Variants in CACNB2 observed in about 807,000 individuals in gnomAD.
CACNB2 encodes the protein voltage-dependent L-type calcium channel subunit beta-2.
In CACNB2, 42 loss-of-function variants were observed where a neutral mutation model predicts 73.3. The observed-to-expected ratio is 0.57, with a 90% confidence interval of 0.45 to 0.74. The LOEUF is 0.74. Among genes scored for constraint, CACNB2 ranks in the 30% least tolerant of loss-of-function variants. CACNB2 has a pLI of 0.00. For missense variants in CACNB2, 940 were observed against 853.0 expected (o/e 1.10, Z -1.27); for synonymous variants, 348 against 310.3 (o/e 1.12, Z -1.28).
At chr10:18,519,684 T>C (rs750290056) in intron 9 of CACNB2, 3 of 456,012 alleles carry the variant, frequency 6.6e-6, no homozygotes, top group Non-Finnish European at 1.3e-5. Context: ...CATATTGCTC[T>C]AGGTGTCTCA....
intron 3 of CACNB2, among the ~76,000 whole-genome samples, chr10:18,450,959 G>A (rs1349471304): frequency 6.6e-6 from 1 of 152,124 alleles, no homozygotes; most frequent in Admixed American, 6.6e-5. Context: ...TTTATGAAAA[G>A]AATCACTACC....
At chr10:18,363,421 C>A (rs900054567) in intron 2 of CACNB2, among the ~76,000 whole-genome samples, 1 of 152,178 alleles carries the variant, frequency 6.6e-6, no homozygotes, top group Admixed American at 6.5e-5. Context: ...CCCCATGGGG[C>A]CTTCTCTGTT....
chr10:18,373,791 TG>T (rs1374118165), intron 2 of CACNB2, among the ~76,000 whole-genome samples: 1 of 152,198 alleles, frequency 6.6e-6, no homozygotes, highest in Non-Finnish European at 1.5e-5. Flanking sequence ...TGATTTGCTT[TG>T]GGGGAAGTAT....
At chr10:18,506,072 G>T (rs936800195) in intron 5 of CACNB2, among the ~76,000 whole-genome samples, 1 of 152,202 alleles carries the variant, frequency 6.6e-6, no homozygotes, top group African/African-American at 2.4e-5. Context: ...AAACAGAGGA[G>T]CTGAAACCAA....
At chr10:18,414,968 T>C (rs1033766724) in intron 3 of CACNB2, among the ~76,000 whole-genome samples, 1 of 152,166 alleles carries the variant, frequency 6.6e-6, no homozygotes, top group Non-Finnish European at 1.5e-5. Context: ...AATGGCTACA[T>C]AAAAGATGTT....
chr10:18,237,394 G>A (rs529791737), intron 2 of CACNB2, among the ~76,000 whole-genome samples: 12 of 152,272 alleles, frequency 7.9e-5, no homozygotes, highest in African/African-American at 2.9e-4. Flanking sequence ...GAGAAAAGAT[G>A]GTCATCCAAA....
chr10:18,199,825 G>A (rs1193546555), intron 2 of CACNB2, among the ~76,000 whole-genome samples: 1 of 152,158 alleles, frequency 6.6e-6, no homozygotes, highest in East Asian at 1.9e-4. Flanking sequence ...TTCAGGCGAA[G>A]TGTGATGGTA....
intron 3 of CACNB2, among the ~76,000 whole-genome samples, chr10:18,409,826 A>G (rs1162977391): frequency 1.3e-5 from 2 of 152,178 alleles, no homozygotes; most frequent in Admixed American, 1.3e-4. Context: ...CAGTTGTCCA[A>G]GAAAAGGTGG....
chr10:18,400,470 A>C, intron 2 of CACNB2: 2 of 529,088 alleles, frequency 3.8e-6, no homozygotes, highest in Non-Finnish European at 4.9e-6. Context: ...TGGCAATTTG[A>C]CATAGACTAA....
intron 2 of CACNB2, among the ~76,000 whole-genome samples, chr10:18,300,890 T>C (rs1279725956): frequency 6.6e-6 from 1 of 152,076 alleles, no homozygotes; most frequent in East Asian, 1.9e-4. Flanking sequence ...TCAACAATGA[T>C]GCATTGACTT....
At chr10:18,283,672 G>T (rs1223551726) in intron 2 of CACNB2, among the ~76,000 whole-genome samples, 1 of 136,102 alleles carries the variant, frequency 7.3e-6, no homozygotes, top group African/African-American at 2.8e-5. Flanking sequence ...CCTGTCATGA[G>T]TTTGGGGGAG....
At chr10:18,277,950 T>G (rs938767758) in intron 2 of CACNB2, among the ~76,000 whole-genome samples, 1 of 152,152 alleles carries the variant, frequency 6.6e-6, no homozygotes, top group Non-Finnish European at 1.5e-5. Flanking sequence ...TATAACACAA[T>G]GTGATTAATT....
At position 18,539,616 on chromosome 10, in the gene CACNB2, C is replaced by T; in HGVS notation, c.1875C>T (p.Arg625=). 6.2e-7 allele frequency: 1 copy of T among 1,613,684 alleles called. No individual in the cohort carries two copies. Residue 625 remains arginine (R), a synonymous_variant, in exon 14 of 14, where the codon CGC becomes CGT. Coordinates refer to ENST00000324631, the MANE Select transcript of CACNB2 (RefSeq NM_201596.3). ...ACCACAACGAGTGCAACAAGCAGCG[C>T]AGCCGTCATAAATCCAAGGATCGCT... ...EQDHNECNKQ[R]SRHKSKDRYC...
chr10:18,411,110 TCTTG>T (rs959175911), intron 3 of CACNB2, among the ~76,000 whole-genome samples: 1 of 152,080 alleles, frequency 6.6e-6, no homozygotes, highest in Non-Finnish European at 1.5e-5. Context: ...TTTTCATGCT[TCTTG>T]CTTTAAAAAA....
rs2049864551 is a variant in CACNB2 at position 18,496,918 on chromosome 10, T to C, written c.334-1437T>C. Among the ~76,000 whole-genome samples, 4 of 143,162 alleles carry C rather than the reference T, an allele frequency of 2.8e-5. No individual in the cohort carries two copies. The Admixed American group carries it at 2.8e-4, about 10-fold the overall frequency. The allele number at this position is 143,162 out of a possible 152,430, so 93.9% of individuals were successfully genotyped here. A position where few individuals can be genotyped will look rare whatever the true frequency, so the allele number is the denominator to read the frequency against. On this transcript the variant is annotated intron_variant, in intron 3 of 13. Coordinates refer to ENST00000324631, the MANE Select transcript of CACNB2 (RefSeq NM_201596.3). ...TTGTATATATCATGTATATAAGAAA[T>C]ACATAGAAGAGGCCAGGCATGGTGT...
At chr10:18,350,314 A>G (rs1170554553) in intron 2 of CACNB2, among the ~76,000 whole-genome samples, 3 of 152,230 alleles carry the variant, frequency 2.0e-5, no homozygotes, top group Admixed American at 6.5e-5. Context: ...AAGTAGACAC[A>G]TGATCATCTC....
intron 3 of CACNB2, among the ~76,000 whole-genome samples, chr10:18,442,940 ATGTG>A (rs1292971857): frequency 0.5 from 32,721 of 65,954 alleles, 9,109 homozygotes; most frequent in African/African-American, 0.67. Flanking sequence ...ATATATATAT[ATGTG>A]TATATATATA....
chr10:18,355,522 T>C (rs1050068438), intron 2 of CACNB2, among the ~76,000 whole-genome samples: 2 of 152,346 alleles, frequency 1.3e-5, no homozygotes, highest in Middle Eastern at 3.4e-3. Context: ...ATTTAATTTT[T>C]TGATGCTATT....
At chr10:18,304,010 C>T (rs545232890) in intron 2 of CACNB2, among the ~76,000 whole-genome samples, 12 of 152,312 alleles carry the variant, frequency 7.9e-5, no homozygotes, top group Admixed American at 6.5e-4. Context: ...GGCTGGAGTG[C>T]AGTAGCACAG....
Sources: allele counts gnomAD v4.1 joint callset (sites outside exome capture counted in the v4.1 genomes callset), GRCh38; gene constraint gnomAD v4.1.1; transcripts MANE v1.5; gene names NCBI Gene and HGNC (gene_info 2026-07-23, HGNC 2026-07-21).